GALNT17: variants seen among roughly 807,000 people sequenced by gnomAD.
The protein encoded by GALNT17 is UDP-GalNAc:polypeptide N-acetylgalactosaminyltransferase-like 3.
Under a neutral mutation model 63.7 loss-of-function variants are expected in GALNT17, and 29 were observed. The ratio of observed to expected loss-of-function variants is 0.46; its 90% CI spans 0.34 to 0.62. The LOEUF (loss-of-function observed/expected upper bound fraction) is 0.62, where lower values mean the gene tolerates loss of function less well. Ranked by LOEUF, GALNT17 falls within the 20% of genes least tolerant of loss-of-function variation. GALNT17 has a pLI of 0.01. For synonymous variants in GALNT17, 305 were observed against 318.3 expected (o/e 0.96, Z 0.45); for missense variants, 603 against 799.6 (o/e 0.75, Z 2.97).
At chr7:71,638,806 T>A (rs1790564139) in intron 6 of GALNT17, among the ~76,000 whole-genome samples, 1 of 152,144 alleles carries the variant, frequency 6.6e-6, no homozygotes. Flanking sequence ...GCTGTTTCAT[T>A]ATGTTAAATG....
In GALNT17 at chr7:71,161,064, C is replaced by G. The variant is rs77330643; in HGVS notation, c.238+28024C>G. Among the ~76,000 whole-genome samples, 256 of 152,076 alleles carry G rather than the reference C, an allele frequency of 1.7e-3. 9 individuals carry two copies. The East Asian group carries it at 0.039, about 23-fold the overall frequency. On this transcript the variant is annotated intron_variant, in intron 1 of 10. Coordinates refer to ENST00000333538, the MANE Select transcript of GALNT17 (RefSeq NM_022479.3). The stretch of plus-strand genomic sequence containing the variant: ...CTATGTTGCCCAGGTTGTTCTCGAA[C>G]TCCTGGGCTCAAGTGCTCCCCAAGC...
At chr7:71,451,575 C>G (rs1431371501) in intron 5 of GALNT17, among the ~76,000 whole-genome samples, 1 of 152,094 alleles carries the variant, frequency 6.6e-6, no homozygotes, top group Non-Finnish European at 1.5e-5. Context: ...TTCATTTTGT[C>G]TGTTCCTCTT....
intron 6 of GALNT17, among the ~76,000 whole-genome samples, chr7:71,599,839 G>T (rs1450655305): frequency 6.6e-6 from 1 of 152,008 alleles, no homozygotes; most frequent in African/African-American, 2.4e-5. Flanking sequence ...GATAATAATT[G>T]CACTATTGCA....
At chr7:71,426,337 T>C (rs141315297) in intron 5 of GALNT17, among the ~76,000 whole-genome samples, 20 of 152,362 alleles carry the variant, frequency 1.3e-4, no homozygotes, top group Non-Finnish European at 2.4e-4. Context: ...GGTTCGTCTA[T>C]GTAAGACTTT....
At chr7:71,423,138 G>A (rs1304397469) in intron 5 of GALNT17, among the ~76,000 whole-genome samples, 1 of 152,166 alleles carries the variant, frequency 6.6e-6, no homozygotes, top group East Asian at 1.9e-4. Context: ...GGGGGACAGG[G>A]TATGGTGGGC....
At position 71,362,158 on chromosome 7, in the gene GALNT17, A is replaced by G. The variant is rs531210522; in HGVS notation, c.423-26077A>G. On this transcript the variant is annotated intron_variant, in intron 2 of 10. Transcript: ENST00000333538. ...TTTTTAGTAGAAACGGGGTTTCTCCATGTTGGCCAGGCTGGTCTCGAACCC... is the reference window on the plus strand; with the variant it reads ...TTTTTAGTAGAAACGGGGTTTCTCCGTGTTGGCCAGGCTGGTCTCGAACCC... Among the ~76,000 whole-genome samples the G allele has an allele frequency of 1.9e-4, 29 of 152,162 alleles. No individual in the cohort carries two copies. The South Asian group carries it at 5.8e-3, about 30-fold the overall frequency.
At chr7:71,575,029 C>T (rs933591488) in intron 6 of GALNT17, among the ~76,000 whole-genome samples, 9 of 152,146 alleles carry the variant, frequency 5.9e-5, no homozygotes, top group African/African-American at 1.9e-4. Context: ...ACCTTTTTAA[C>T]TTCATGTACG....
chr7:71,599,017 A>G (rs1359693264), intron 6 of GALNT17, among the ~76,000 whole-genome samples: 1 of 152,090 alleles, frequency 6.6e-6, no homozygotes, highest in Non-Finnish European at 1.5e-5. Flanking sequence ...AGGTCTGGAA[A>G]GAAATGGGTT....
At chr7:71,548,774 CTCT>C (rs1356096347) in intron 5 of GALNT17, among the ~76,000 whole-genome samples, 4 of 152,322 alleles carry the variant, frequency 2.6e-5, no homozygotes, top group Admixed American at 2.6e-4. Context: ...AGTGTCCTGT[CTCT>C]TCTTCCTCAG....
intron 1 of GALNT17, among the ~76,000 whole-genome samples, chr7:71,228,011 G>A (rs568967401): frequency 1.3e-5 from 2 of 152,252 alleles, no homozygotes; most frequent in East Asian, 3.9e-4. Flanking sequence ...CCCGATAGAG[G>A]AGGAGACAGT....
intron 1 of GALNT17, among the ~76,000 whole-genome samples, chr7:71,265,159 C>T (rs1248936806): frequency 1.8e-5 from 2 of 108,484 alleles, no homozygotes; most frequent in African/African-American, 3.5e-5. Flanking sequence ...TGGAGTCTCT[C>T]TCTGTCACTC....
At chr7:71,467,155 G>A (rs959235174) in intron 5 of GALNT17, among the ~76,000 whole-genome samples, 1 of 152,100 alleles carries the variant, frequency 6.6e-6, no homozygotes, top group Non-Finnish European at 1.5e-5. Context: ...CCCCTGCTTT[G>A]TCTTTTCCCT....
intron 5 of GALNT17, among the ~76,000 whole-genome samples, chr7:71,503,687 AGTGT>A (rs1197794221): frequency 1.3e-5 from 2 of 152,252 alleles, no homozygotes; most frequent in African/African-American, 4.8e-5. Flanking sequence ...GGTTCATGAG[AGTGT>A]GTTATTGTCC....
intron 5 of GALNT17, among the ~76,000 whole-genome samples, chr7:71,546,680 C>G (rs1484163962): frequency 6.6e-6 from 1 of 152,192 alleles, no homozygotes; most frequent in Non-Finnish European, 1.5e-5. Flanking sequence ...TCTTACTCAC[C>G]TAAAAGCATT....
chr7:71,350,361 TG>T (rs1394479525), intron 2 of GALNT17, among the ~76,000 whole-genome samples: 1 of 152,048 alleles, frequency 6.6e-6, no homozygotes, highest in Non-Finnish European at 1.5e-5. Context: ...GATGATAAAC[TG>T]GGAAAAATAA....
intron 1 of GALNT17, among the ~76,000 whole-genome samples, chr7:71,219,945 T>C (rs1433305134): frequency 1.3e-5 from 2 of 152,168 alleles, no homozygotes; most frequent in Non-Finnish European, 2.9e-5. Context: ...GTGTATGAAA[T>C]GAATTATGTC....
intron 1 of GALNT17, among the ~76,000 whole-genome samples, chr7:71,310,865 A>G (rs1022439782): frequency 6.6e-6 from 1 of 152,140 alleles, no homozygotes; most frequent in African/African-American, 2.4e-5. Flanking sequence ...GTAGAAGAGA[A>G]TGGGAGAAGT....
At chr7:71,669,797 G>A (rs1241175536) in intron 7 of GALNT17, among the ~76,000 whole-genome samples, 175 bp from the exon 8 acceptor site, 2 of 151,930 alleles carry the variant, frequency 1.3e-5, no homozygotes, top group Admixed American at 6.6e-5. Flanking sequence ...TCCTGACCTC[G>A]TGATTCACTC....
chr7:71,352,237 C>T (rs1198914789), intron 2 of GALNT17, among the ~76,000 whole-genome samples: 2 of 152,194 alleles, frequency 1.3e-5, no homozygotes, highest in Non-Finnish European at 2.9e-5. Flanking sequence ...GCCATGTAAG[C>T]AGTGCCTTTT....
Sources: gnomAD v4.1 joint callset for allele counts (sites outside exome capture counted in the v4.1 genomes callset) on GRCh38, gnomAD v4.1.1 for gene constraint, MANE v1.5 for transcripts, NCBI Gene and HGNC (gene_info 2026-07-23, HGNC 2026-07-21) for gene names.